The following AHSG variants were observed in gnomAD, a reference collection of about 807,000 sequenced individuals.
The protein encoded by AHSG is alpha 2-HS glycoprotein.
A neutral mutation model predicts 30.1 loss-of-function variants in AHSG; 23 were observed. That is an observed-to-expected ratio of 0.76 (90% confidence interval 0.55 to 1.08). AHSG has a LOEUF of 1.08. AHSG is among the 50% of genes least tolerant of loss of function. The pLI, the probability that AHSG is intolerant of heterozygous loss-of-function variation, is 0.00. For synonymous variants in AHSG, 164 were observed against 186.3 expected, an observed-to-expected ratio of 0.88 and a Z score of 0.98; for missense variants, 469 against 459.5, an observed-to-expected ratio of 1.02 and a Z score of -0.19.
At chr3:186,615,845 C>A in intron 2 of AHSG, 50 bp downstream of exon 2, 1 of 1,504,594 alleles carries the variant, frequency 6.6e-7, no homozygotes, top group Non-Finnish European at 9.2e-7. Flanking sequence ...GCCAGCTCCA[C>A]CGATTCACCC....
At chr3:186,620,394 C>T (rs1441355419) in intron 6 of AHSG, among the ~76,000 whole-genome samples, 192 bp from the exon 7 acceptor site, 2 of 152,192 alleles carry the variant, frequency 1.3e-5, no homozygotes, top group Non-Finnish European at 2.9e-5. Context: ...CCGGGGCCAA[C>T]ATAGGCCAGT....
chr3:186,618,039 A>C (rs1243706074), intron 4 of AHSG: 1 of 158,290 alleles, frequency 6.3e-6, no homozygotes, highest in East Asian at 1.8e-4. Context: ...CAACTACTTT[A>C]AAAAAGAAAA....
intron 2 of AHSG, 74 bp from the exon 3 acceptor site, chr3:186,616,369 G>C: frequency 8.4e-7 from 1 of 1,195,364 alleles, no homozygotes; most frequent in Admixed American, 2.1e-5. Context: ...ACCTTTGACA[G>C]CCGTGCCTGG....
intron 1 of AHSG, 103 bp from the exon 2 acceptor site, chr3:186,615,582 C>T: frequency 4.7e-6 from 4 of 856,748 alleles, no homozygotes; most frequent in Admixed American, 3.8e-5. Flanking sequence ...CCTCACCTCT[C>T]CAAAAGCGGG....
chr3:186,613,505 G>A (rs1217890802), intron 1 of AHSG, 151 bp downstream of exon 1: 3 of 761,112 alleles, frequency 3.9e-6, no homozygotes, highest in Admixed American at 2.9e-5. Flanking sequence ...GGCAGGCAGA[G>A]GGCAGGAGAG....
At chr3:186,619,025 G>A (rs142859163) in intron 5 of AHSG, among the ~76,000 whole-genome samples, 1,908 of 152,336 alleles carry the variant, frequency 0.013, 33 homozygotes, top group African/African-American at 0.043. Flanking sequence ...GGCCAGGCAT[G>A]ATGGCTCATG....
chr3:186,617,017 G>C (rs1366695762), intron 3 of AHSG, among the ~76,000 whole-genome samples, 170 bp from the exon 4 acceptor site: 1 of 152,228 alleles, frequency 6.6e-6, no homozygotes, highest in Non-Finnish European at 1.5e-5. Context: ...GTGATGATAA[G>C]AGCTCCTGCA....
At position 186,621,073 on chromosome 3, in the gene AHSG, T is replaced by G; in HGVS notation, c.*143T>G. The G allele has an allele frequency of 1.3e-6, 1 of 775,214 alleles. No homozygotes were observed. 48.0% of individuals were successfully genotyped at this position (775,214 alleles called of 1,614,324 possible). A position where few individuals can be genotyped will look rare whatever the true frequency, so the allele number is the denominator to read the frequency against. ...ACATTAATATCAAGTCTTGACTCCC[T>G]ACTTCCCGTCATTCCTCACAGGACA... On this transcript the variant is annotated 3_prime_UTR_variant, in exon 7 of 7. Coordinates refer to ENST00000411641, the MANE Select transcript of AHSG (RefSeq NM_001622.4).
chr3:186,614,614 C>T (rs1338175628), intron 1 of AHSG, among the ~76,000 whole-genome samples: 1 of 152,198 alleles, frequency 6.6e-6, no homozygotes, highest in Non-Finnish European at 1.5e-5. Context: ...GCAACACGCA[C>T]ATCTGAGGGA....
chr3:186,617,284 C>T lies in AHSG; in HGVS notation c.507C>T (p.Ala169=), dbSNP rs988875679. The T allele has an allele frequency of 6.2e-7, 1 of 1,614,184 alleles. No homozygotes were observed. The highest frequency in any genetic ancestry group is 2.2e-5 in the East Asian group (1 of 44,872). Residue 169 remains alanine, a synonymous_variant, in exon 4 of 7, where the codon GCC becomes GCT. Transcript: ENST00000411641. ...TGCACGCCGCGAAAGCTGCCCTGGC[C>T]GCCTTCAACGCTCAGAACAACGGCT... ...RVVHAAKAAL[A]AFNAQNNGSN...
intron 1 of AHSG, among the ~76,000 whole-genome samples, chr3:186,615,214 G>A (rs1463076901): frequency 6.6e-6 from 1 of 151,616 alleles, no homozygotes; most frequent in Non-Finnish European, 1.5e-5. Flanking sequence ...GAGGGATAGA[G>A]GAGATTAAAA....
Position 186,620,998 on chromosome 3 carries a change from C to G in AHSG, c.*68C>G. ...AGCCACCATTTTGTCCAAGCCTGGGCATGGGTGGGGGGCCTTGTCTGCTGG... is the reference window on the plus strand; with the variant it reads ...AGCCACCATTTTGTCCAAGCCTGGGGATGGGTGGGGGGCCTTGTCTGCTGG... On this transcript the variant is annotated 3_prime_UTR_variant, in exon 7 of 7. Transcript: ENST00000411641. 4 of 1,498,788 alleles carry G rather than the reference C, an allele frequency of 2.7e-6. No individual in the cohort carries two copies. Among genetic ancestry groups the G allele is most frequent in the Non-Finnish European group, 3.6e-6 (4 of 1,101,840 alleles). The allele number at this position is 1,498,788 out of a possible 1,614,324, so 92.8% of individuals were successfully genotyped here.
rs1716463240 is a variant in AHSG at position 186,620,782 on chromosome 3, C to A, written c.956C>A (p.Thr319Asn). The A allele has an allele frequency of 3.7e-6, 6 of 1,614,220 alleles. No individual in the cohort carries two copies. Among genetic ancestry groups the A allele is most frequent in the Non-Finnish European group, 5.1e-6 (6 of 1,180,040 alleles). ...LHRAHYDLRH[T>N]FMGVVSLGSP... ...CGGGCGCACTACGACCTGCGCCACA[C>A]CTTCATGGGTGTGGTCTCATTGGGG... Residue 319 changes from threonine (T) to asparagine (N), a missense_variant, in exon 7 of 7, where the codon ACC becomes AAC. Transcript: ENST00000411641.
intron 1 of AHSG, among the ~76,000 whole-genome samples, chr3:186,614,103 C>A (rs1716225233): frequency 6.6e-6 from 1 of 152,258 alleles, no homozygotes; most frequent in African/African-American, 2.4e-5. Flanking sequence ...GACAGGAAAC[C>A]AACGCAGCTT....
rs78118270 is a variant in AHSG, at chr3:186,620,504, G to A, written c.760-82G>A. The A allele has an allele frequency of 1.8e-3, 2,103 of 1,190,474 alleles. 29 individuals are homozygous for A. In the African/African-American group the frequency reaches 0.028, roughly 16 times the overall value. 73.7% of individuals were successfully genotyped at this position (1,190,474 alleles called of 1,614,324 possible). ...AAAATGTATAATGTGAGGAAATTGG[G>A]TGCCAGTGCCACCTGGGCCTGTGGG... On this transcript the variant is annotated intron_variant, in intron 6 of 6. Transcript: ENST00000411641.
At chr3:186,614,962 T>C (rs1255311317) in intron 1 of AHSG, among the ~76,000 whole-genome samples, 1 of 151,918 alleles carries the variant, frequency 6.6e-6, no homozygotes, top group Non-Finnish European at 1.5e-5. Context: ...CAAGGATTGT[T>C]GCAAGCTCCC....
rs939853014 is a variant in AHSG at position 186,619,252 on chromosome 3, G to A, written c.676-605G>A. On this transcript the variant is annotated intron_variant, in intron 5 of 6. Transcript: ENST00000411641. ...GCAGATGTTGCAGTAAACTAAGATC[G>A]TGCCACTGCACTCCAGCCTGGGCAA... is the stretch of plus-strand genomic sequence containing the variant. Among the ~76,000 whole-genome samples, 11 of 152,066 alleles carry A rather than the reference G, an allele frequency of 7.2e-5. No individual in the cohort carries two copies. The East Asian group carries it at 1.2e-3, about 16-fold the overall frequency.
At chr3:186,613,886 C>A (rs1434594687) in intron 1 of AHSG, among the ~76,000 whole-genome samples, 2 of 151,770 alleles carry the variant, frequency 1.3e-5, no homozygotes, top group East Asian at 3.8e-4. Context: ...GAGACCAAGG[C>A]TCTGTTGTGT....
rs752157937 is a variant in AHSG at position 186,620,895 on chromosome 3, C to T, written c.1069C>T (p.Pro357Ser). The T allele has an allele frequency of 1.9e-6, 3 of 1,613,898 alleles. No individual in the cohort carries two copies. The African/African-American group carries it at 4.0e-5, about 22-fold the overall frequency. ...VGAAAGPVVP[P>S]CPGRIRHFKV Reference sequence around the variant, plus strand: ...TGCTGCTGCTGGGCCAGTGGTTCCTCCATGTCCGGGGAGGATCAGACACTT... The same window carrying T: ...TGCTGCTGCTGGGCCAGTGGTTCCTTCATGTCCGGGGAGGATCAGACACTT... Residue 357 changes from proline to serine, a missense_variant, in exon 7 of 7, where the codon CCA becomes TCA. Pro to Ser is a moderately conservative substitution (Grantham distance 74). Transcript: ENST00000411641.
Sources: allele counts gnomAD v4.1 joint callset (sites outside exome capture counted in the v4.1 genomes callset), GRCh38; gene constraint gnomAD v4.1.1; transcripts MANE v1.5; gene names NCBI Gene and HGNC (gene_info 2026-07-23, HGNC 2026-07-21).